The following LRRC63 variants were observed in gnomAD, a reference collection of about 807,000 sequenced individuals.
The protein encoded by LRRC63 is leucine-rich repeat-containing protein 63.
A neutral mutation model predicts 49.5 loss-of-function variants in LRRC63; 40 were observed. The observed-to-expected ratio is 0.81, with a 90% CI of 0.63 to 1.05. The LOEUF is 1.05. Ranked by LOEUF, LRRC63 falls within the 50% of genes least tolerant of loss-of-function variation. The pLI is 0.00. For synonymous variants in LRRC63, 191 were observed against 221.1 expected (o/e 0.86, Z 1.21); for missense variants, 636 against 663.1 (o/e 0.96, Z 0.45).
intron 5 of LRRC63, among the ~76,000 whole-genome samples, chr13:46,239,654 C>T (rs2046999367): frequency 3.3e-5 from 5 of 152,170 alleles, no homozygotes; most frequent in Admixed American, 3.3e-4. Context: ...CAGCATCATC[C>T]TGATACCAAA....
At chr13:46,272,088 G>C (rs759436820) in intron 9 of LRRC63, among the ~76,000 whole-genome samples, 5 of 152,190 alleles carry the variant, frequency 3.3e-5, no homozygotes, top group Non-Finnish European at 5.9e-5. Context: ...CAGTTGATTT[G>C]ATAACTCAGA....
chr13:46,255,252 G>A (rs376807919), intron 7 of LRRC63, among the ~76,000 whole-genome samples: 3 of 152,172 alleles, frequency 2.0e-5, no homozygotes, highest in African/African-American at 7.2e-5. Context: ...ATAGGTTACT[G>A]GGGGCTCAGG....
Position 46,274,028 on chromosome 13 carries a change from G to C in LRRC63, c.1551-2562G>C, listed in dbSNP as rs74983783. Reference sequence around the variant, plus strand: ...AAGTTTTTTTCTTCAGGCCTTGAGAGTCACTGAGTCCAAATAGCACAAATA... The same window carrying C: ...AAGTTTTTTTCTTCAGGCCTTGAGACTCACTGAGTCCAAATAGCACAAATA... On this transcript the variant is annotated intron_variant, in intron 9 of 9. Transcript: ENST00000595396. 2.0e-3 allele frequency among the ~76,000 whole-genome samples: 297 copies of C among 152,106 alleles called. 2 individuals are homozygous for C. Among genetic ancestry groups the C allele is most frequent in the African/African-American group, 6.7e-3 (280 of 41,482 alleles).
At chr13:46,222,061 A>T (rs1040683596) in intron 2 of LRRC63, among the ~76,000 whole-genome samples, 2 of 152,218 alleles carry the variant, frequency 1.3e-5, no homozygotes, top group African/African-American at 4.8e-5. Flanking sequence ...TGACTAGGGT[A>T]AGATAATATC....
At chr13:46,222,135 G>T (rs2046423904) in intron 2 of LRRC63, among the ~76,000 whole-genome samples, 1 of 152,070 alleles carries the variant, frequency 6.6e-6, no homozygotes, top group Admixed American at 6.6e-5. Flanking sequence ...AAATATAAGT[G>T]TTGGCCATTT....
chr13:46,237,032 T>C (rs922845035), intron 5 of LRRC63, among the ~76,000 whole-genome samples: 7 of 152,064 alleles, frequency 4.6e-5, no homozygotes, highest in African/African-American at 1.7e-4. Context: ...TAACTACTAC[T>C]GAAAAACAAT....
rs201728452 is a variant in LRRC63 at position 46,239,699 on chromosome 13, A to G, written c.990+5350A>G. On this transcript the variant is annotated intron_variant, in intron 5 of 9. Coordinates refer to ENST00000595396, the Ensembl canonical transcript of LRRC63. ...AGACACAACAGCAGCAACAACAACA[A>G]CAACAAAACTTTAGGCCAATATTCT... 2.0e-5 allele frequency among the ~76,000 whole-genome samples: 3 copies of G among 152,298 alleles called. No homozygotes were observed. The East Asian group carries it at 5.8e-4, about 29-fold the overall frequency.
intron 2 of LRRC63, among the ~76,000 whole-genome samples, chr13:46,225,219 G>A (rs547621508): frequency 1.8e-4 from 28 of 152,342 alleles, no homozygotes; most frequent in South Asian, 8.3e-4. Context: ...CAGACATGCT[G>A]TTCTCAGGTT....
exon 10 of LRRC63, chr13:46,276,838 A>ATC (rs2047846371): frequency 6.4e-6 from 1 of 155,514 alleles, no homozygotes; most frequent in Non-Finnish European, 1.3e-5. Flanking sequence ...GTATATATAT[A>ATC]TATATATATA....
chr13:46,276,460 G>T (rs1020643988), intron 9 of LRRC63, 130 bp from the exon 10 acceptor site: 3 of 404,850 alleles, frequency 7.4e-6, no homozygotes, highest in Non-Finnish European at 1.3e-5. Flanking sequence ...TCACTTAATG[G>T]GTAGCACTCA....
chr13:46,262,706 T>C (rs1275670258), intron 8 of LRRC63, among the ~76,000 whole-genome samples: 1 of 152,182 alleles, frequency 6.6e-6, no homozygotes. Context: ...ACTCACGTCA[T>C]ATTTTTCTTA....
Position 46,276,622 on chromosome 13 carries a change from AGTTTGGT to A in LRRC63, c.1585_1591del (p.Phe529LysfsTer32), listed in dbSNP as rs1313699234. On this transcript the variant is annotated frameshift_variant, in exon 10 of 10. Transcript: ENST00000595396. LOFTEE classifies it low-confidence loss of function (END_TRUNC). ...AGGTGTGAATGGTGTCATGGTCCCA[AGTTTGGT>A]GAAGGTTTTCGTGTCATCCGATCCT... The A allele has an allele frequency of 8.0e-5, 98 of 1,231,100 alleles. No homozygotes were observed. The East Asian group carries it at 2.8e-3, about 36-fold the overall frequency. 76.3% of individuals were successfully genotyped at this position (1,231,100 alleles called of 1,614,324 possible).
intron 2 of LRRC63, among the ~76,000 whole-genome samples, chr13:46,222,091 A>G (rs2046421940): frequency 6.6e-6 from 1 of 152,164 alleles, no homozygotes; most frequent in African/African-American, 2.4e-5. Context: ...TTTAATTTGT[A>G]TTTCTCTAAT....
chr13:46,215,387 G>C (rs1387272718), intron 2 of LRRC63, among the ~76,000 whole-genome samples: 5 of 152,090 alleles, frequency 3.3e-5, no homozygotes, highest in African/African-American at 7.2e-5. Flanking sequence ...TTTTTCATAT[G>C]TTTGTTGGCT....
At chr13:46,221,021 CACTTATTATA>C (rs1419638649) in intron 2 of LRRC63, among the ~76,000 whole-genome samples, 1 of 152,088 alleles carries the variant, frequency 6.6e-6, no homozygotes, top group Non-Finnish European at 1.5e-5. Context: ...TCCTACGCAC[CACTTATTATA>C]ACTGTTTACC....
rs2047401976 is a variant in LRRC63 at position 46,252,208 on chromosome 13, G to A, written c.1226+1717G>A. Among the ~76,000 whole-genome samples, 3 of 152,008 alleles carry A rather than the reference G, an allele frequency of 2.0e-5. No homozygotes were observed. In the South Asian group the frequency reaches 6.2e-4, roughly 31 times the overall value. ...CTCACCAGGAGGGCACTTATACAGT[G>A]AAGAATGAAGGTGCTGAATTCTTCA... On this transcript the variant is annotated intron_variant, in intron 7 of 9. Transcript: ENST00000595396.
At chr13:46,255,589 G>A (rs1479693822) in intron 7 of LRRC63, among the ~76,000 whole-genome samples, 2 of 149,512 alleles carry the variant, frequency 1.3e-5, no homozygotes, top group East Asian at 4.0e-4. Context: ...GATCACTTGA[G>A]CCTGGGAAGT....
chr13:46,215,841 C>T (rs1006762256), intron 2 of LRRC63, among the ~76,000 whole-genome samples: 1 of 152,128 alleles, frequency 6.6e-6, no homozygotes, highest in Non-Finnish European at 1.5e-5. Flanking sequence ...GTATGGCTAG[C>T]CAGTTTTCCG....
At chr13:46,240,418 C>T (rs987944375) in intron 5 of LRRC63, among the ~76,000 whole-genome samples, 4 of 152,026 alleles carry the variant, frequency 2.6e-5, no homozygotes, top group East Asian at 1.9e-4. Flanking sequence ...TGAGCCACCG[C>T]GCCCGGCCAA....
Sources: allele counts gnomAD v4.1 joint callset (sites outside exome capture counted in the v4.1 genomes callset), GRCh38; gene constraint gnomAD v4.1.1; transcripts MANE v1.5; gene names NCBI Gene and HGNC (gene_info 2026-07-23, HGNC 2026-07-21).